Variants in JADE3 observed in about 807,000 individuals in gnomAD.
The protein encoded by JADE3 is jade family PHD finger 3.
In JADE3, 2 loss-of-function variants were observed where a neutral mutation model predicts 50.1. The ratio of observed to expected loss-of-function variants is 0.04; its 90% CI spans 0.02 to 0.13. JADE3 has a LOEUF of 0.13. Among genes scored for constraint, JADE3 ranks in the 10% least tolerant of loss-of-function variants. The probability of loss-of-function intolerance (pLI) is 1.00; values close to 1 mark genes in which losing one functional copy is unlikely to be tolerated. For synonymous variants in JADE3, 218 were observed against 232.9 expected (o/e 0.94, Z 0.58); for missense variants, 475 against 634.4 (o/e 0.75, Z 2.70).
chrX:47,027,070 A>G (rs1556365678), intron 5 of JADE3, among the ~76,000 whole-genome samples: 1 of 112,346 alleles, frequency 8.9e-6, no homozygotes, highest in African/African-American at 3.2e-5. Context: ...TATATTACAA[A>G]TGAAGTGGAA....
chrX:46,971,728 G>T (rs927606182), intron 1 of JADE3, among the ~76,000 whole-genome samples: 3 of 107,466 alleles, frequency 2.8e-5, no homozygotes, highest in African/African-American at 1.0e-4. Flanking sequence ...CCTGGGAGGC[G>T]GAGCTTGCAG....
intron 4 of JADE3, among the ~76,000 whole-genome samples, chrX:47,017,936 T>C (rs1414293053): frequency 8.9e-6 from 1 of 112,348 alleles, no homozygotes; most frequent in African/African-American, 3.2e-5. Flanking sequence ...TTTGTAGTTC[T>C]CTAGCTTTAG....
At chrX:47,030,467 A>T (rs1166117721) in intron 6 of JADE3, among the ~76,000 whole-genome samples, 2 of 111,865 alleles carry the variant, frequency 1.8e-5, no homozygotes, top group Admixed American at 1.9e-4. Flanking sequence ...AGATTCTTCC[A>T]AAGTGAGTAT....
intron 4 of JADE3, among the ~76,000 whole-genome samples, chrX:47,003,623 T>G: frequency 9.9e-6 from 1 of 101,161 alleles, no homozygotes; most frequent in East Asian, 2.9e-4. Flanking sequence ...ATATATAAAT[T>G]TATATATTTA....
chrX:46,948,183 G>T lies in JADE3; in HGVS notation c.-12+35464G>T, dbSNP rs782346363. ...CTGTCAGTTAAGAATCAATTCCTGG[G>T]CAGCTTTTTGCCTCCTTTATAATAT... On this transcript the variant is annotated intron_variant, in intron 1 of 10. Transcript: ENST00000614628. Among the ~76,000 whole-genome samples the T allele has an allele frequency of 2.7e-5, 3 of 112,193 alleles. No individual in the cohort carries two copies. The East Asian group carries it at 8.4e-4, about 31-fold the overall frequency.
chrX:47,018,433 A>G (rs1249905622), intron 4 of JADE3, among the ~76,000 whole-genome samples: 1 of 109,376 alleles, frequency 9.1e-6, no homozygotes, highest in Non-Finnish European at 1.9e-5. Flanking sequence ...TCCCGGGTTC[A>G]TGCCATTCTC....
intron 1 of JADE3, among the ~76,000 whole-genome samples, chrX:46,979,568 A>G (rs1194246131): frequency 8.9e-6 from 1 of 111,966 alleles, no homozygotes; most frequent in African/African-American, 3.2e-5. Flanking sequence ...CTCTGGGATA[A>G]ATGCCCAGGA....
intron 1 of JADE3, among the ~76,000 whole-genome samples, chrX:46,980,525 T>A (rs946657300): frequency 4.5e-5 from 5 of 110,391 alleles, no homozygotes; most frequent in Non-Finnish European, 9.5e-5. Context: ...GTAGATAGTT[T>A]ATTTGGGCCA....
intron 1 of JADE3, among the ~76,000 whole-genome samples, chrX:46,919,305 A>G (rs1926170916): frequency 8.9e-6 from 1 of 111,771 alleles, no homozygotes; most frequent in Non-Finnish European, 1.9e-5. Context: ...ATTAGACTCT[A>G]CTAGATTTTG....
intron 1 of JADE3, among the ~76,000 whole-genome samples, chrX:46,924,399 A>G (rs1434359587): frequency 8.9e-6 from 1 of 112,126 alleles, no homozygotes; most frequent in East Asian, 2.8e-4. Context: ...GTATTTCCAT[A>G]TATTGGGATT....
chrX:47,019,800 G>A (rs782650260), intron 4 of JADE3, among the ~76,000 whole-genome samples: 49 of 111,611 alleles, frequency 4.4e-4, no homozygotes, highest in Middle Eastern at 4.3e-3. Flanking sequence ...TCCTTAGTTG[G>A]CACAGCAGTA....
intron 1 of JADE3, among the ~76,000 whole-genome samples, chrX:46,944,307 C>CT (rs113355463): frequency 2.3e-5 from 2 of 87,616 alleles, no homozygotes; most frequent in African/African-American, 8.4e-5. Flanking sequence ...TTTCTCACTT[C>CT]TTTTTTTTTT....
chrX:46,922,496 A>G (rs1368820755), intron 1 of JADE3, among the ~76,000 whole-genome samples: 4 of 107,894 alleles, frequency 3.7e-5, no homozygotes, highest in African/African-American at 1.0e-4. Flanking sequence ...AGTGTGTTAT[A>G]CTGTTTGTTA....
chrX:46,986,216 A>G (rs1927860102), intron 3 of JADE3, among the ~76,000 whole-genome samples: 1 of 112,059 alleles, frequency 8.9e-6, no homozygotes, highest in Non-Finnish European at 1.9e-5. Context: ...GTATTCCTTT[A>G]TAGCAATACT....
At position 47,058,825 on chromosome X, in the gene JADE3, G is replaced by A. The variant is rs372926726; in HGVS notation, c.2220G>A (p.Met740Ile). 2.3e-5 allele frequency: 28 copies of A among 1,207,067 alleles called. No individual in the cohort carries two copies. The African/African-American group carries it at 4.7e-4, about 20-fold the overall frequency. The change falls in exon 11 of 11, where the codon ATG becomes ATA. Residue 740 changes from methionine (M) to isoleucine (I), a missense_variant. Physicochemically the swap from Met to Ile is conservative, Grantham distance 10 (BLOSUM62 1). This residue lies in a region of JADE3 where 243 missense variants were observed against 238.2 expected (regional missense o/e 1.02). Transcript: ENST00000614628. Reference protein sequence around the residue: ...LQCYVKPTKNMSPKEQFWGRQ... With the variant: ...LQCYVKPTKNISPKEQFWGRQ... ...GCTATGTGAAGCCAACCAAGAATATGAGCCCCAAGGAGCAGTTCTGGGGTA... is the reference window on the plus strand; with the variant it reads ...GCTATGTGAAGCCAACCAAGAATATAAGCCCCAAGGAGCAGTTCTGGGGTA...
intron 4 of JADE3, among the ~76,000 whole-genome samples, chrX:47,022,255 G>A (rs1928812117): frequency 8.9e-6 from 1 of 112,105 alleles, no homozygotes; most frequent in Admixed American, 9.5e-5. Context: ...TCATATGTCT[G>A]TCCTACCCTT....
chrX:46,996,059 CAG>C (rs2066855804), intron 3 of JADE3, among the ~76,000 whole-genome samples: 1 of 112,011 alleles, frequency 8.9e-6, no homozygotes, highest in African/African-American at 3.2e-5. Flanking sequence ...TTTTTTGAGG[CAG>C]AGTCTCGCTC....
intron 4 of JADE3, among the ~76,000 whole-genome samples, chrX:47,021,384 A>G (rs886505759): frequency 1.8e-5 from 2 of 111,253 alleles, no homozygotes; most frequent in Non-Finnish European, 3.8e-5. Flanking sequence ...TCCAGTTTTT[A>G]CCTACCATAA....
chrX:46,932,467 G>GT (rs1556340091), intron 1 of JADE3, among the ~76,000 whole-genome samples: 5 of 112,422 alleles, frequency 4.4e-5, no homozygotes, highest in Admixed American at 2.8e-4. Flanking sequence ...TATATAGCAA[G>GT]TCTCTCAAAT....
Sources: gnomAD v4.1 joint callset for allele counts (sites outside exome capture counted in the v4.1 genomes callset) on GRCh38, gnomAD v4.1.1 for gene constraint, gnomAD v4.1.1 regional missense constraint, MANE v1.5 for transcripts, NCBI Gene and HGNC (gene_info 2026-07-23, HGNC 2026-07-21) for gene names.